PHF14: variants seen among roughly 807,000 people sequenced by gnomAD.
PHF14 encodes PHD finger protein 14.
Under a neutral mutation model 117.9 loss-of-function variants are expected in PHF14, and 55 were observed. The ratio of observed to expected loss-of-function variants is 0.47; its 90% CI spans 0.38 to 0.58. PHF14 has a LOEUF of 0.58. Among genes scored for constraint, PHF14 ranks in the 20% least tolerant of loss-of-function variants. PHF14 has a pLI of 0.00. For synonymous variants in PHF14, 409 were observed against 368.6 expected, an observed-to-expected ratio of 1.11 and a Z score of -1.26; for missense variants, 978 against 1,122.2, an observed-to-expected ratio of 0.87 and a Z score of 1.84.
At chr7:11,016,360 G>T (rs1008505387) in intron 5 of PHF14, among the ~76,000 whole-genome samples, 1 of 151,874 alleles carries the variant, frequency 6.6e-6, no homozygotes, top group Non-Finnish European at 1.5e-5. Context: ...AAAGAATATT[G>T]TATATAAAGA....
chr7:11,061,467 G>A, intron 14 of PHF14: 2 of 175,762 alleles, frequency 1.1e-5, no homozygotes, highest in African/African-American at 4.7e-5. Context: ...AATGCTCTGA[G>A]TAAATCATAA....
chr7:11,076,880 T>G (rs1454202321), intron 16 of PHF14, among the ~76,000 whole-genome samples: 1 of 126,132 alleles, frequency 7.9e-6, no homozygotes. Context: ...CAAATATGGT[T>G]TTTTTTTTTT....
chr7:11,037,053 G>T lies in PHF14; in HGVS notation c.1942G>T (p.Glu648Ter). Residue 648 changes from glutamate to a stop codon, truncating the protein, a stop_gained, in exon 10 of 18, where the codon GAG becomes TAG. Transcript: ENST00000634607. LOFTEE classifies it high-confidence loss of function. The stretch of plus-strand genomic sequence containing the variant: ...ACAAAAGAATATAAAAGATAAATTA[G>T]AGAATGAACAAGAAAAGCTTCATGT... ...AEQKNIKDKLENEQEKLHVEY... is the reference protein window; with the variant it reads ...AEQKNIKDKL 6.6e-7 allele frequency: 1 copy of T among 1,505,646 alleles called. No homozygotes were observed. The highest frequency in any genetic ancestry group is 1.2e-5 in the South Asian group (1 of 82,430). The allele number at this position is 1,505,646 out of a possible 1,614,324, so 93.3% of individuals were successfully genotyped here.
chr7:11,137,226 A>G (rs1788247352), intron 17 of PHF14, among the ~76,000 whole-genome samples: 1 of 152,196 alleles, frequency 6.6e-6, no homozygotes, highest in Admixed American at 6.5e-5. Flanking sequence ...GAACATGACA[A>G]ATGGCTGTGA....
intron 16 of PHF14, among the ~76,000 whole-genome samples, chr7:11,098,402 C>G (rs147622016): frequency 6.6e-6 from 1 of 152,034 alleles, no homozygotes; most frequent in Non-Finnish European, 1.5e-5. Flanking sequence ...TTTCTCTTGC[C>G]GCCTTTCTCT....
intron 12 of PHF14, among the ~76,000 whole-genome samples, chr7:11,042,282 T>G (rs1337522607): frequency 1.3e-5 from 2 of 151,966 alleles, no homozygotes; most frequent in African/African-American, 4.8e-5. Context: ...AGTAATTTTT[T>G]TATAGTTTTA....
At chr7:11,031,123 A>G (rs1459484075) in intron 7 of PHF14, among the ~76,000 whole-genome samples, 6 of 152,110 alleles carry the variant, frequency 3.9e-5, no homozygotes, top group Non-Finnish European at 7.4e-5. Flanking sequence ...TAGACATTCT[A>G]GGGAACTTTT....
intron 17 of PHF14, among the ~76,000 whole-genome samples, chr7:11,135,967 C>T (rs1382422865): frequency 6.6e-6 from 1 of 151,972 alleles, no homozygotes. Context: ...TTCAGACATT[C>T]CTCGTTAAAG....
At chr7:11,106,696 G>C in intron 16 of PHF14, 1 of 984,430 alleles carries the variant, frequency 1.0e-6, no homozygotes, top group South Asian at 4.7e-5. Flanking sequence ...TGAGCTGCTA[G>C]TGAGATTTTT....
chr7:10,982,687 A>G lies in PHF14; in HGVS notation c.428A>G (p.Asn143Ser). The part of the protein sequence containing the change: ...KEKEKATVSE[N>S]VAASAAATTP... ...AAAGAAAAAGCAACAGTATCTGAGA[A>G]TGTGGCTGCTTCTGCTGCTGCCACC... The change falls in exon 3 of 18, where the codon AAT becomes AGT. Residue 143 changes from asparagine (N) to serine (S), a missense_variant. By Grantham distance (46) the Asn-to-Ser change is conservative. This residue lies in a region of PHF14 where 414 missense variants were observed against 376.4 expected (regional missense o/e 1.10). Transcript: ENST00000634607. The G allele has an allele frequency of 6.2e-7, 1 of 1,603,352 alleles. No homozygotes were observed. The highest frequency in any genetic ancestry group is 8.5e-7 in the Non-Finnish European group (1 of 1,174,530).
At chr7:11,134,644 CAG>C (rs1788169316) in intron 17 of PHF14, among the ~76,000 whole-genome samples, 1 of 151,984 alleles carries the variant, frequency 6.6e-6, no homozygotes, top group Non-Finnish European at 1.5e-5. Context: ...TAGTTAATGA[CAG>C]AGCTATGACC....
intron 7 of PHF14, 87 bp downstream of exon 7, chr7:11,028,905 G>A (rs1199058553): frequency 7.2e-6 from 8 of 1,118,746 alleles, no homozygotes; most frequent in Non-Finnish European, 1.0e-5. Context: ...AATAATAAAA[G>A]AAATTTTAAC....
chr7:11,096,332 A>C (rs879625502), intron 16 of PHF14, among the ~76,000 whole-genome samples: 5 of 152,210 alleles, frequency 3.3e-5, no homozygotes, highest in Non-Finnish European at 5.9e-5. Context: ...AAGTTTTTGA[A>C]TGCTCATACA....
chr7:10,990,643 TTAAG>T (rs1204346157), intron 3 of PHF14, 56 bp from the exon 4 acceptor site: 15 of 1,060,436 alleles, frequency 1.4e-5, no homozygotes, highest in Non-Finnish European at 2.0e-5. Context: ...ATTTTAGTGA[TTAAG>T]TTTTTTTTTT....
intron 5 of PHF14, among the ~76,000 whole-genome samples, chr7:11,016,871 C>T (rs1783552767): frequency 6.6e-6 from 1 of 152,060 alleles, no homozygotes; most frequent in South Asian, 2.1e-4. Flanking sequence ...CCATCTCCCA[C>T]CTCCCCCCAC....
intron 17 of PHF14, among the ~76,000 whole-genome samples, chr7:11,120,971 C>G (rs981412831): frequency 6.6e-6 from 1 of 151,954 alleles, no homozygotes; most frequent in Non-Finnish European, 1.5e-5. Flanking sequence ...TTTTCTTTGT[C>G]AAGGTCATTA....
At chr7:11,090,038 T>C (rs1315123768) in intron 16 of PHF14, among the ~76,000 whole-genome samples, 1 of 152,224 alleles carries the variant, frequency 6.6e-6, no homozygotes, top group African/African-American at 2.4e-5. Context: ...CCCAAAGTGC[T>C]GGGATTACAG....
intron 5 of PHF14, among the ~76,000 whole-genome samples, chr7:11,014,686 C>T (rs924009904): frequency 2.6e-4 from 40 of 152,182 alleles, no homozygotes; most frequent in African/African-American, 9.4e-4. Flanking sequence ...ATAGCTCCCT[C>T]TACCATTGAG....
chr7:11,105,703 A>AT (rs1787236146), intron 16 of PHF14: 1 of 984,534 alleles, frequency 1.0e-6, no homozygotes, highest in African/African-American at 1.7e-5. Context: ...ATATTTCTCT[A>AT]TAAAAGTGGA....
Sources: allele counts gnomAD v4.1 joint callset (sites outside exome capture counted in the v4.1 genomes callset), GRCh38; gene constraint gnomAD v4.1.1; regional missense constraint gnomAD v4.1.1; transcripts MANE v1.5; gene names NCBI Gene and HGNC (gene_info 2026-07-23, HGNC 2026-07-21).